CD8B2: variants seen among roughly 807,000 people sequenced by gnomAD.
CD8B2 encodes T-cell surface glycoprotein CD8 beta-2 chain.
Under a neutral mutation model 23.7 loss-of-function variants are expected in CD8B2, and 11 were observed. The observed-to-expected ratio is 0.46, with a 90% CI of 0.29 to 0.77. The LOEUF is 0.77. CD8B2 is among the 30% of genes least tolerant of loss of function. CD8B2 has a pLI of 0.09. For synonymous variants in CD8B2, 90 were observed against 109.3 expected (o/e 0.82, Z 1.10); for missense variants, 197 against 270.5 (o/e 0.73, Z 1.91).
chr2:106,497,351 T>C (rs1331350301), intron 3 of CD8B2, among the ~76,000 whole-genome samples: 1 of 152,232 alleles, frequency 6.6e-6, no homozygotes, highest in Non-Finnish European at 1.5e-5. Context: ...CATGTTTGTT[T>C]GCAAATGAAC....
chr2:106,540,262 T>C (rs1265861808), intron 5 of CD8B2, among the ~76,000 whole-genome samples: 1 of 152,220 alleles, frequency 6.6e-6, no homozygotes, highest in Non-Finnish European at 1.5e-5. Flanking sequence ...ATAATTATGT[T>C]ATTAGAAACT....
At chr2:106,544,043 G>A in exon 6 of CD8B2, 2 of 398,626 alleles carry the variant, frequency 5.0e-6, no homozygotes, top group Non-Finnish European at 8.8e-6. Context: ...CCTAGCAAGG[G>A]ACTGGGACTG....
downstream of CD8B2, among the ~76,000 whole-genome samples, chr2:106,515,151 A>G (rs138326163): frequency 1.1e-3 from 168 of 152,356 alleles, no homozygotes; most frequent in Non-Finnish European, 2.2e-3. Context: ...GACAGTTAAT[A>G]TTAACCATCA....
chr2:106,519,865 G>A (rs1673261099), intron 5 of CD8B2, among the ~76,000 whole-genome samples: 2 of 152,218 alleles, frequency 1.3e-5, no homozygotes, highest in South Asian at 4.1e-4. Flanking sequence ...AGCCCTCCCA[G>A]GCCACATGGA....
intron 5 of CD8B2, among the ~76,000 whole-genome samples, chr2:106,529,863 G>T (rs1679967764): frequency 6.6e-6 from 1 of 152,232 alleles, no homozygotes; most frequent in African/African-American, 2.4e-5. Context: ...CAGCGATGAG[G>T]TTTCCTGGAA....
At chr2:106,495,333 C>T (rs994974250) in intron 2 of CD8B2, among the ~76,000 whole-genome samples, 7 of 152,052 alleles carry the variant, frequency 4.6e-5, no homozygotes, top group African/African-American at 1.7e-4. Context: ...CCAGCCTGGC[C>T]CACATGGTGA....
chr2:106,490,776 C>A (rs1311631117), intron 1 of CD8B2, 98 bp from the exon 2 acceptor site: 43 of 1,523,394 alleles, frequency 2.8e-5, no homozygotes, highest in Non-Finnish European at 3.7e-5. Context: ...GCAGGTTCTT[C>A]CATGGCTTTT....
intron 5 of CD8B2, among the ~76,000 whole-genome samples, chr2:106,506,508 C>T (rs1432343114): frequency 6.6e-6 from 1 of 151,750 alleles, no homozygotes; most frequent in African/African-American, 2.4e-5. Flanking sequence ...TGGTTTTGCT[C>T]TCATGATCCA....
intron 5 of CD8B2, chr2:106,543,842 C>G (rs953300172): frequency 2.5e-6 from 1 of 394,404 alleles, no homozygotes; most frequent in Non-Finnish European, 4.5e-6. Context: ...ATATTTCAAG[C>G]TTTCTATGAG....
rs1679618596 is a variant in CD8B2, at chr2:106,510,850, C to A, written c.*3910C>A. 6.6e-6 allele frequency: 1 copy of A among 151,524 alleles called. No individual in the cohort carries two copies. The highest frequency in any genetic ancestry group is 2.4e-5 in the African/African-American group (1 of 41,216). The allele number at this position is 151,524 out of a possible 1,614,324, so 9.4% of individuals were successfully genotyped here. ...AAATAGAGAATATAGAAAATTAAAT[C>A]TTCTAATATTGTTCTGCAGATTTGA... is the stretch of plus-strand genomic sequence containing the variant. On this transcript the variant is annotated 3_prime_UTR_variant, in exon 6 of 6. Coordinates refer to ENST00000643224, the MANE Select transcript of CD8B2 (RefSeq NM_001349727.2).
chr2:106,496,044 T>A, intron 2 of CD8B2, 129 bp from the exon 3 acceptor site: 4 of 1,466,934 alleles, frequency 2.7e-6, no homozygotes, highest in Non-Finnish European at 3.7e-6. Flanking sequence ...AATGATCTCC[T>A]GCCTTGGCCT....
chr2:106,532,799 G>T (rs985452645), intron 5 of CD8B2, among the ~76,000 whole-genome samples: 1 of 152,186 alleles, frequency 6.6e-6, no homozygotes, highest in Non-Finnish European at 1.5e-5. Context: ...GCTTTGGCTG[G>T]CTTCTTTACT....
intron 5 of CD8B2, among the ~76,000 whole-genome samples, chr2:106,524,781 C>A (rs947493612): frequency 2.0e-5 from 3 of 152,136 alleles, no homozygotes; most frequent in African/African-American, 7.2e-5. Context: ...TTTGCCAGTG[C>A]AAACTGTACC....
At chr2:106,525,463 A>G (rs79941791) in intron 5 of CD8B2, among the ~76,000 whole-genome samples, 7,052 of 152,280 alleles carry the variant, frequency 0.046, 210 homozygotes, top group Middle Eastern at 0.12. Flanking sequence ...TATTATGGAA[A>G]AGTACACATG....
At chr2:106,526,262 C>T (rs936122435) in intron 5 of CD8B2, among the ~76,000 whole-genome samples, 2 of 150,496 alleles carry the variant, frequency 1.3e-5, no homozygotes, top group African/African-American at 4.9e-5. Flanking sequence ...AAAAAAAAAT[C>T]ACTTTATGAA....
chr2:106,523,178 C>T (rs538706007), intron 5 of CD8B2, among the ~76,000 whole-genome samples: 3 of 152,154 alleles, frequency 2.0e-5, no homozygotes, highest in South Asian at 2.1e-4. Context: ...CCTGTGTTCT[C>T]TGAGAAAGAG....
chr2:106,506,188 T>C (rs145100050), intron 5 of CD8B2, among the ~76,000 whole-genome samples: 4,434 of 152,038 alleles, frequency 0.029, 91 homozygotes, highest in Middle Eastern at 0.096. Context: ...TGACCTTTCA[T>C]GGAAAGTAAG....
chr2:106,526,093 T>A (rs754161035), intron 5 of CD8B2, among the ~76,000 whole-genome samples: 70 of 152,014 alleles, frequency 4.6e-4, no homozygotes, highest in Non-Finnish European at 8.2e-4. Context: ...TACAAAAAAA[T>A]TAGCCACGTG....
chr2:106,517,050 T>C (rs893660673), intron 5 of CD8B2, among the ~76,000 whole-genome samples: 1 of 149,280 alleles, frequency 6.7e-6, no homozygotes, highest in African/African-American at 2.4e-5. Flanking sequence ...AAATAAATAT[T>C]TCATTATATT....
Sources: allele counts gnomAD v4.1 joint callset (sites outside exome capture counted in the v4.1 genomes callset), GRCh38; gene constraint gnomAD v4.1.1; transcripts MANE v1.5; gene names NCBI Gene and HGNC (gene_info 2026-07-23, HGNC 2026-07-21).